Variants in EIF2AK2 observed in about 807,000 individuals in gnomAD.
EIF2AK2 encodes the protein interferon-induced, double-stranded RNA-activated protein kinase.
In EIF2AK2, 40 loss-of-function variants were observed where a neutral mutation model predicts 70.5. The observed-to-expected ratio is 0.57, with a 90% CI of 0.44 to 0.74. The LOEUF is 0.74. EIF2AK2 is among the 30% of genes least tolerant of loss of function. The pLI, the probability that EIF2AK2 is intolerant of heterozygous loss-of-function variation, is 0.00. For missense variants in EIF2AK2, 555 were observed against 644.3 expected (o/e 0.86, Z 1.50); for synonymous variants, 198 against 220.9 (o/e 0.90, Z 0.92).
chr2:37,115,887 G>C (rs1337771609), intron 13 of EIF2AK2, among the ~76,000 whole-genome samples: 1 of 151,578 alleles, frequency 6.6e-6, no homozygotes, highest in African/African-American at 2.4e-5. Context: ...TTTTTTTAAG[G>C]GAGGTGTTTT....
intron 10 of EIF2AK2, among the ~76,000 whole-genome samples, chr2:37,131,060 A>T (rs541078479): frequency 6.6e-6 from 1 of 152,326 alleles, no homozygotes; most frequent in Admixed American, 6.5e-5. Context: ...TTCTTTCCTC[A>T]AATTAGTGGG....
chr2:37,119,402 C>A (rs1209995053), intron 13 of EIF2AK2, among the ~76,000 whole-genome samples: 1 of 152,102 alleles, frequency 6.6e-6, no homozygotes, highest in East Asian at 1.9e-4. Flanking sequence ...AGAGTCCCCT[C>A]TGCCTCTCAA....
rs964718692 is a variant in EIF2AK2, at chr2:37,105,322, T to A, written c.*1951A>T. On this transcript the variant is annotated 3_prime_UTR_variant, in exon 17 of 17. Transcript: ENST00000233057. Reference sequence around the variant, plus strand: ...TTGGGTCATGGGGGAAGACCCCTCATGAATACATTAATGCCGTCCCTGGGG... The same window carrying A: ...TTGGGTCATGGGGGAAGACCCCTCAAGAATACATTAATGCCGTCCCTGGGG... 1 of 152,134 alleles carries A rather than the reference T, an allele frequency of 6.6e-6. No individual in the cohort carries two copies. Among genetic ancestry groups the A allele is most frequent in the African/African-American group, 2.4e-5 (1 of 41,414 alleles). 9.4% of individuals were successfully genotyped at this position (152,134 alleles called of 1,614,324 possible). A position where few individuals can be genotyped will look rare whatever the true frequency, so the allele number is the denominator to read the frequency against.
In EIF2AK2 at chr2:37,110,505, GGA is replaced by G. The variant is rs1335828984; in HGVS notation, c.1378-1212_1378-1211del. ...TGTGAGGGCAGCAATACAGGATGCAGGAGATACTGAAAGCAGCAGGAAGTTAA... is the reference window on the plus strand; with the variant it reads ...TGTGAGGGCAGCAATACAGGATGCAGGATACTGAAAGCAGCAGGAAGTTAA... On this transcript the variant is annotated intron_variant, in intron 14 of 16. Coordinates refer to ENST00000233057, the MANE Select transcript of EIF2AK2 (RefSeq NM_001135651.3). Among the ~76,000 whole-genome samples, 40 of 152,260 alleles carry G rather than the reference GGA, an allele frequency of 2.6e-4. No individual in the cohort carries two copies. In the East Asian group the frequency reaches 5.0e-3, roughly 19 times the overall value.
At chr2:37,143,695 G>A (rs1322268851) in intron 4 of EIF2AK2, among the ~76,000 whole-genome samples, 1 of 151,932 alleles carries the variant, frequency 6.6e-6, no homozygotes, top group Non-Finnish European at 1.5e-5. Context: ...ACCAGCCTGG[G>A]CAACATAGTG....
At chr2:37,156,454 A>G (rs1278711578) in intron 1 of EIF2AK2, among the ~76,000 whole-genome samples, 1 of 152,116 alleles carries the variant, frequency 6.6e-6, no homozygotes, top group Non-Finnish European at 1.5e-5. Flanking sequence ...GCGGCCAGGC[A>G]ATTGGGAAAC....
intron 8 of EIF2AK2, 61 bp downstream of exon 8, chr2:37,138,209 T>A: frequency 3.0e-6 from 4 of 1,324,302 alleles, no homozygotes; most frequent in Non-Finnish European, 2.1e-6. Flanking sequence ...AAGTTATTTT[T>A]AAATGAGGAA....
intron 8 of EIF2AK2, among the ~76,000 whole-genome samples, chr2:37,137,493 C>T (rs556634178): frequency 6.6e-6 from 1 of 152,064 alleles, no homozygotes; most frequent in African/African-American, 2.4e-5. Context: ...TTTGTTTTTG[C>T]GATGAGGGTC....
At chr2:37,128,043 G>C (rs1674805443) in intron 10 of EIF2AK2, among the ~76,000 whole-genome samples, 3 of 152,036 alleles carry the variant, frequency 2.0e-5, no homozygotes, top group Non-Finnish European at 1.5e-5. Context: ...TGCTTGGCCT[G>C]TTCATGTAAT....
At chr2:37,110,284 G>A (rs1241947575) in intron 14 of EIF2AK2, among the ~76,000 whole-genome samples, 3 of 150,876 alleles carry the variant, frequency 2.0e-5, no homozygotes, top group East Asian at 1.9e-4. Context: ...TAGTGGAGAT[G>A]GAGTTTCAAC....
chr2:37,136,990 C>T lies in EIF2AK2; in HGVS notation c.715G>A (p.Ala239Thr), dbSNP rs560003765. The T allele has an allele frequency of 2.5e-5, 40 of 1,600,238 alleles. 2 individuals carry two copies. In the South Asian group the frequency reaches 4.5e-4, roughly 18 times the overall value. Residue 239 changes from alanine (A) to threonine (T), a missense_variant, in exon 9 of 17, where the codon GCA (alanine) becomes ACA (threonine). Coordinates refer to ENST00000233057, the MANE Select transcript of EIF2AK2 (RefSeq NM_001135651.3). The part of the protein sequence containing the change: ...MNGLRNNQRK[A>T]KRSLAPRFDL... ...ATGCATAATGATACTCACCTTTTTG[C>T]CTTCCTTTGATTATTTCTGAGACCA...
chr2:37,146,796 G>A (rs2307482), intron 4 of EIF2AK2, 57 bp downstream of exon 4: 27 of 1,591,886 alleles, frequency 1.7e-5, no homozygotes, highest in Non-Finnish European at 2.1e-5. Context: ...CTCACAGAGA[G>A]AAACAGAAAA....
intron 4 of EIF2AK2, among the ~76,000 whole-genome samples, chr2:37,144,502 TG>T: frequency 6.6e-6 from 1 of 152,242 alleles, no homozygotes; most frequent in East Asian, 1.9e-4. Context: ...GGACAAAATC[TG>T]GAGGTGGAAG....
intron 4 of EIF2AK2, among the ~76,000 whole-genome samples, chr2:37,142,307 A>AT (rs1675362478): frequency 6.6e-6 from 1 of 151,782 alleles, no homozygotes; most frequent in Non-Finnish European, 1.5e-5. Flanking sequence ...ATTTTTTTGT[A>AT]TTTTTTGTAG....
At chr2:37,122,376 T>G (rs1244385842) in intron 12 of EIF2AK2, 130 bp downstream of exon 12, 2 of 1,015,050 alleles carry the variant, frequency 2.0e-6, no homozygotes, top group South Asian at 1.7e-5. Context: ...AATGGAGAGA[T>G]AACAGTGTCT....
Position 37,101,754 on chromosome 2 carries a change from A to G in EIF2AK2, c.*5519T>C, listed in dbSNP as rs1292666365. 2 of 152,216 alleles carry G rather than the reference A, an allele frequency of 1.3e-5. No individual in the cohort carries two copies. The highest frequency in any genetic ancestry group is 1.3e-4 in the Admixed American group (2 of 15,284). 9.4% of individuals were successfully genotyped at this position (152,216 alleles called of 1,614,324 possible). On this transcript the variant is annotated 3_prime_UTR_variant, in exon 17 of 17. Coordinates refer to ENST00000233057, the MANE Select transcript of EIF2AK2 (RefSeq NM_001135651.3). ...AAAGGAGACACATCAACCAAATGCA[A>G]TGTTGGATCTAGATTTCAACAACCA...
At chr2:37,114,584 TAAG>T (rs916427731) in intron 14 of EIF2AK2, 144 bp downstream of exon 14, 75 of 558,994 alleles carry the variant, frequency 1.3e-4, no homozygotes, top group African/African-American at 1.2e-3. Flanking sequence ...AATAAACTGA[TAAG>T]AAGAATAGGG....
chr2:37,133,231 G>A (rs1341483186), intron 10 of EIF2AK2, among the ~76,000 whole-genome samples: 7 of 152,108 alleles, frequency 4.6e-5, no homozygotes, highest in Non-Finnish European at 7.4e-5. Context: ...GCACTCTCAC[G>A]TAAACCTTTA....
In EIF2AK2 at chr2:37,100,580, T is replaced by A. The variant is rs1673803578; in HGVS notation, c.*6693A>T. ...TAACTATCAACTGTGATTCCCTTCA[T>A]CTATGACTATTTTTAAGAAATGTAA... On this transcript the variant is annotated 3_prime_UTR_variant, in exon 17 of 17. Transcript: ENST00000233057. The A allele has an allele frequency of 6.6e-6, 1 of 152,242 alleles. No homozygotes were observed. Among genetic ancestry groups the A allele is most frequent in the Non-Finnish European group, 1.5e-5 (1 of 68,040 alleles). The allele number at this position is 152,242 out of a possible 1,614,324, so 9.4% of individuals were successfully genotyped here.
Sources: gnomAD v4.1 joint callset for allele counts (sites outside exome capture counted in the v4.1 genomes callset) on GRCh38, gnomAD v4.1.1 for gene constraint, MANE v1.5 for transcripts, NCBI Gene and HGNC (gene_info 2026-07-23, HGNC 2026-07-21) for gene names.